Variants in KLHDC10 observed in about 807,000 individuals in gnomAD.
The protein encoded by KLHDC10 is kelch domain containing 10.
In KLHDC10, 24 loss-of-function variants were observed where a neutral mutation model predicts 56.1. The ratio of observed to expected loss-of-function variants is 0.43; its 90% CI spans 0.31 to 0.60. The LOEUF (loss-of-function observed/expected upper bound fraction) is 0.60. KLHDC10 is among the 20% of genes least tolerant of loss of function. The pLI, the probability that KLHDC10 is intolerant of heterozygous loss-of-function variation, is 0.11. For synonymous variants in KLHDC10, 188 were observed against 207.1 expected, an observed-to-expected ratio of 0.91 and a Z score of 0.79; for missense variants, 349 against 567.0, an observed-to-expected ratio of 0.62 and a Z score of 3.91.
chr7:130,088,856 C>T (rs1042523134), intron 1 of KLHDC10, among the ~76,000 whole-genome samples: 2 of 151,988 alleles, frequency 1.3e-5, no homozygotes, highest in Non-Finnish European at 2.9e-5. Context: ...TGGTCTTGAA[C>T]TCCTGACCTC....
chr7:130,104,100 A>G (rs1795976289), intron 2 of KLHDC10, among the ~76,000 whole-genome samples: 1 of 152,158 alleles, frequency 6.6e-6, no homozygotes, highest in Admixed American at 6.5e-5. Context: ...AAAAAAAATT[A>G]TAAGAAAAAT....
chr7:130,122,266 T>C (rs1284618477), intron 5 of KLHDC10, 64 bp downstream of exon 5: 9 of 1,496,400 alleles, frequency 6.0e-6, no homozygotes, highest in African/African-American at 4.2e-5. Flanking sequence ...TTTCAGAGTG[T>C]TGGCAATATG....
chr7:130,114,269 A>C (rs1796139129), intron 2 of KLHDC10, among the ~76,000 whole-genome samples: 1 of 152,226 alleles, frequency 6.6e-6, no homozygotes, highest in South Asian at 2.1e-4. Context: ...ATTAAATGCC[A>C]AATAAATTGA....
chr7:130,092,535 T>C (rs763236642), intron 1 of KLHDC10, among the ~76,000 whole-genome samples: 17 of 152,164 alleles, frequency 1.1e-4, no homozygotes, highest in Non-Finnish European at 2.2e-4. Flanking sequence ...GTGTACTACT[T>C]GCCAGGCTCC....
intron 2 of KLHDC10, among the ~76,000 whole-genome samples, chr7:130,099,751 A>T (rs1795903662): frequency 6.6e-6 from 1 of 152,208 alleles, no homozygotes; most frequent in Non-Finnish European, 1.5e-5. Flanking sequence ...TCAGGATCAG[A>T]TTTGGTTTTT....
At position 130,079,006 on chromosome 7, in the gene KLHDC10, T is replaced by G. The variant is rs541474588; in HGVS notation, c.166+8197T>G. Among the ~76,000 whole-genome samples the G allele has an allele frequency of 6.6e-5, 10 of 152,338 alleles. No homozygotes were observed. In the South Asian group the frequency reaches 2.1e-3, roughly 32 times the overall value. On this transcript the variant is annotated intron_variant, in intron 1 of 9. Transcript: ENST00000335420. ...TTGAAGCGTACATATTTTATCATGTTAAAGTATTCAGCTGTTACTGTTTTT... is the reference window on the plus strand; with the variant it reads ...TTGAAGCGTACATATTTTATCATGTGAAAGTATTCAGCTGTTACTGTTTTT...
intron 1 of KLHDC10, among the ~76,000 whole-genome samples, chr7:130,084,963 A>C (rs1795662924): frequency 6.6e-6 from 1 of 152,288 alleles, no homozygotes; most frequent in East Asian, 1.9e-4. Flanking sequence ...TAATCTTTAC[A>C]TTAAAAAAAA....
chr7:130,127,171 C>A (rs964755159), intron 7 of KLHDC10, among the ~76,000 whole-genome samples: 2 of 152,266 alleles, frequency 1.3e-5, no homozygotes, highest in Non-Finnish European at 2.9e-5. Context: ...AAGCCACTAG[C>A]AACTCCTGTC....
intron 1 of KLHDC10, among the ~76,000 whole-genome samples, chr7:130,086,266 T>A (rs932186422): frequency 3.9e-5 from 6 of 152,170 alleles, no homozygotes; most frequent in African/African-American, 1.4e-4. Flanking sequence ...TTTACCAGTA[T>A]CAGTATTGGG....
At chr7:130,114,991 C>T (rs533731068) in intron 2 of KLHDC10, among the ~76,000 whole-genome samples, 216 of 152,202 alleles carry the variant, frequency 1.4e-3, no homozygotes, top group African/African-American at 4.8e-3. Flanking sequence ...CTTTCAAACA[C>T]GACTAACAGG....
At position 130,116,966 on chromosome 7, in the gene KLHDC10, A is replaced by G. The variant is rs1275730919; in HGVS notation, c.475+300A>G. 6.6e-6 allele frequency among the ~76,000 whole-genome samples: 1 copy of G among 152,218 alleles called. No individual in the cohort carries two copies. The highest frequency in any genetic ancestry group is 1.9e-4 in the East Asian group (1 of 5,202). ...AGTAGAAGGTCAACAAATGGGGCTTATGACGATGACAGTTAATAGCTGTTG... is the reference window on the plus strand; with the variant it reads ...AGTAGAAGGTCAACAAATGGGGCTTGTGACGATGACAGTTAATAGCTGTTG... On this transcript the variant is annotated intron_variant, in intron 3 of 9. Coordinates refer to ENST00000335420, the MANE Select transcript of KLHDC10 (RefSeq NM_014997.4). The surrounding 1 kb of genome is among the most constrained non-coding windows in gnomAD (Gnocchi z 4.8).
intron 2 of KLHDC10, among the ~76,000 whole-genome samples, chr7:130,109,606 CA>C: frequency 6.6e-6 from 1 of 152,072 alleles, no homozygotes; most frequent in East Asian, 1.9e-4. Flanking sequence ...CAGATTTTGC[CA>C]TTATTATTTT....
Position 130,070,667 on chromosome 7 carries a change from C to T in KLHDC10, c.24C>T (p.Asp8=), listed in dbSNP as rs773879933. 1.2e-5 allele frequency: 16 copies of T among 1,310,822 alleles called. No homozygotes were observed. The highest frequency in any genetic ancestry group is 2.9e-5 in the East Asian group (1 of 34,158). 81.2% of individuals were successfully genotyped at this position (1,310,822 alleles called of 1,614,324 possible). A position where few individuals can be genotyped will look rare whatever the true frequency, so the allele number is the denominator to read the frequency against. MSAAQGW[D]RNRRRGGGAA... ...TCATGTCGGCCGCCCAGGGCTGGGA[C>T]AGGAACCGCCGGAGGGGAGGAGGCG... Residue 8 remains aspartate (D), a synonymous_variant, in exon 1 of 10, where the codon GAC becomes GAT. Coordinates refer to ENST00000335420, the MANE Select transcript of KLHDC10 (RefSeq NM_014997.4).
At chr7:130,092,848 A>C (rs1257258645) in intron 1 of KLHDC10, among the ~76,000 whole-genome samples, 4 of 151,324 alleles carry the variant, frequency 2.6e-5, no homozygotes, top group Non-Finnish European at 5.9e-5. Flanking sequence ...GGCTTAGTTG[A>C]CCCCGAGAGT....
At chr7:130,110,874 T>C (rs1242509526) in intron 2 of KLHDC10, among the ~76,000 whole-genome samples, 1 of 152,234 alleles carries the variant, frequency 6.6e-6, no homozygotes, top group Non-Finnish European at 1.5e-5. Context: ...TACTAAGCAG[T>C]AAATGTTATG....
At chr7:130,117,182 A>G (rs978170672) in intron 3 of KLHDC10, among the ~76,000 whole-genome samples, 4 of 152,220 alleles carry the variant, frequency 2.6e-5, no homozygotes, top group African/African-American at 9.6e-5. Context: ...CTTTATTGCT[A>G]AAAAGTGCTA....
chr7:130,109,897 C>A (rs1796077349), intron 2 of KLHDC10, among the ~76,000 whole-genome samples: 2 of 152,178 alleles, frequency 1.3e-5, no homozygotes, highest in African/African-American at 4.8e-5. Flanking sequence ...CCTCAGCCTC[C>A]CATAGTGCTG....
At chr7:130,128,919 T>TATATATATATACACAC (rs1292651924) in intron 8 of KLHDC10, among the ~76,000 whole-genome samples, 1 of 115,712 alleles carries the variant, frequency 8.6e-6, no homozygotes, top group African/African-American at 3.5e-5. Flanking sequence ...TATATATATA[T>TATATATATATACACAC]ACATACTAGC....
intron 5 of KLHDC10, among the ~76,000 whole-genome samples, chr7:130,123,916 T>G (rs1369166721): frequency 6.6e-6 from 1 of 152,246 alleles, no homozygotes; most frequent in East Asian, 1.9e-4. Context: ...CACAGTTCTG[T>G]GTAGTATAAT....
Sources: allele counts gnomAD v4.1 joint callset (sites outside exome capture counted in the v4.1 genomes callset), GRCh38; gene constraint gnomAD v4.1.1; non-coding constraint Gnocchi (gnomAD v3.1); transcripts MANE v1.5; gene names NCBI Gene and HGNC (gene_info 2026-07-23, HGNC 2026-07-21).